The following KIAA1328 variants were observed in gnomAD, a reference collection of about 807,000 sequenced individuals.
KIAA1328 encodes the protein protein hinderin.
In KIAA1328, 52 loss-of-function variants were observed where a neutral mutation model predicts 68.1. The observed-to-expected ratio is 0.76, with a 90% CI of 0.61 to 0.96. The LOEUF is 0.96. Among genes scored for constraint, KIAA1328 ranks in the 40% least tolerant of loss-of-function variants. The pLI is 0.00. For synonymous variants in KIAA1328, 232 were observed against 239.4 expected, an observed-to-expected ratio of 0.97 and a Z score of 0.28; for missense variants, 641 against 677.6, an observed-to-expected ratio of 0.95 and a Z score of 0.60.
chr18:36,887,823 T>A (rs1475174493), intron 5 of KIAA1328, among the ~76,000 whole-genome samples: 1 of 152,066 alleles, frequency 6.6e-6, no homozygotes, highest in East Asian at 1.9e-4. Context: ...GTGGTGATGC[T>A]TTAACCTTCC....
Position 37,151,092 on chromosome 18 carries a change from A to G in KIAA1328, c.1233-9108A>G, listed in dbSNP as rs562322442. On this transcript the variant is annotated intron_variant, in intron 7 of 9. Transcript: ENST00000280020. ...ACTAGAATTAAGTGAATTTAACACA[A>G]TCACAGAATGCAAATTCAATGTATA... Among the ~76,000 whole-genome samples, 32 of 152,344 alleles carry G rather than the reference A, an allele frequency of 2.1e-4. No homozygotes were observed. In the South Asian group the frequency reaches 6.4e-3, roughly 31 times the overall value.
At position 36,871,835 on chromosome 18, in the gene KIAA1328, C is replaced by A. The variant is rs189103537; in HGVS notation, c.333-13722C>A. The stretch of plus-strand genomic sequence containing the variant: ...CCCAGCTAAACTGCAGCAGACACAG[C>A]TGGAAATGGGTAAGATTTCAGCTTG... On this transcript the variant is annotated intron_variant, in intron 4 of 9. Transcript: ENST00000280020. Among the ~76,000 whole-genome samples, 87 of 152,048 alleles carry A rather than the reference C, an allele frequency of 5.7e-4. 1 individual carries two copies. The highest frequency in any genetic ancestry group is 2.0e-4 in the East Asian group (1 of 5,124).
chr18:36,840,362 T>C (rs1327094916), intron 3 of KIAA1328, among the ~76,000 whole-genome samples: 1 of 152,174 alleles, frequency 6.6e-6, no homozygotes, highest in Admixed American at 6.5e-5. Flanking sequence ...TCCTACATTG[T>C]CGGGGGTATA....
intron 5 of KIAA1328, among the ~76,000 whole-genome samples, chr18:36,911,838 G>C (rs997443599): frequency 2.0e-5 from 3 of 152,112 alleles, no homozygotes; most frequent in Non-Finnish European, 4.4e-5. Flanking sequence ...TGCATGTAAA[G>C]GCTTAGCACA....
Position 37,224,972 on chromosome 18 carries a change from C to A in KIAA1328, c.*2745C>A. On this transcript the variant is annotated 3_prime_UTR_variant, in exon 10 of 10. Coordinates refer to ENST00000280020, the MANE Select transcript of KIAA1328 (RefSeq NM_020776.3). ...TCATAGAAAAGCTTTTGCTAACAGTCCGCTTTCCAGGAGGCAAACTTGTGT... is the reference window on the plus strand; with the variant it reads ...TCATAGAAAAGCTTTTGCTAACAGTACGCTTTCCAGGAGGCAAACTTGTGT... 1.0e-6 allele frequency: 1 copy of A among 985,488 alleles called. No homozygotes were observed. Among genetic ancestry groups the A allele is most frequent in the Non-Finnish European group, 1.2e-6 (1 of 829,956 alleles). 61.0% of individuals were successfully genotyped at this position (985,488 alleles called of 1,614,324 possible).
At chr18:36,887,230 T>G (rs1010011486) in intron 5 of KIAA1328, among the ~76,000 whole-genome samples, 9 of 152,170 alleles carry the variant, frequency 5.9e-5, no homozygotes, top group Non-Finnish European at 1.3e-4. Flanking sequence ...GAATGCTGTT[T>G]AGTCAGAATT....
intron 6 of KIAA1328, among the ~76,000 whole-genome samples, chr18:37,001,808 T>C (rs942122271): frequency 1.3e-5 from 2 of 152,150 alleles, no homozygotes; most frequent in African/African-American, 2.4e-5. Context: ...TCAACATCCC[T>C]TCATGATAAA....
At chr18:36,955,484 A>G (rs1234047223) in intron 5 of KIAA1328, among the ~76,000 whole-genome samples, 1 of 151,372 alleles carries the variant, frequency 6.6e-6, no homozygotes, top group Admixed American at 6.6e-5. Flanking sequence ...TAATTTTTGT[A>G]TTTTTAGTAG....
At chr18:37,027,407 C>T (rs1280878162) in intron 6 of KIAA1328, among the ~76,000 whole-genome samples, 3 of 152,152 alleles carry the variant, frequency 2.0e-5, no homozygotes, top group African/African-American at 7.2e-5. Flanking sequence ...CCCACATTGC[C>T]AAGTCAATCC....
chr18:36,953,425 T>G lies in KIAA1328; in HGVS notation c.449-5883T>G, dbSNP rs903089939. 1.4e-4 allele frequency among the ~76,000 whole-genome samples: 21 copies of G among 149,112 alleles called. No individual in the cohort carries two copies. The East Asian group carries it at 3.4e-3, about 24-fold the overall frequency. ...AGATAGATAGATAGATAGATAGAGA[T>G]AGATAGATATATAAATGTATATAGA... On this transcript the variant is annotated intron_variant, in intron 5 of 9. Transcript: ENST00000280020.
chr18:37,205,187 C>G (rs1199813662), intron 9 of KIAA1328, among the ~76,000 whole-genome samples: 1 of 152,196 alleles, frequency 6.6e-6, no homozygotes, highest in Non-Finnish European at 1.5e-5. Context: ...TTCTGTCCAA[C>G]CATATCATCT....
intron 5 of KIAA1328, among the ~76,000 whole-genome samples, chr18:36,945,474 A>T (rs1259459318): frequency 1.3e-5 from 2 of 152,214 alleles, no homozygotes; most frequent in Admixed American, 1.3e-4. Flanking sequence ...TCAAAGAGAC[A>T]AGTAATGAAA....
intron 6 of KIAA1328, among the ~76,000 whole-genome samples, chr18:36,971,679 A>C (rs1479896189): frequency 1.3e-5 from 2 of 152,180 alleles, no homozygotes; most frequent in Non-Finnish European, 2.9e-5. Flanking sequence ...ATGAAATACT[A>C]TGCAGCCATA....
intron 6 of KIAA1328, among the ~76,000 whole-genome samples, chr18:36,965,990 T>C (rs1054909535): frequency 6.6e-6 from 1 of 150,930 alleles, no homozygotes; most frequent in East Asian, 1.9e-4. Flanking sequence ...CTAAAAGGTC[T>C]GTAGGTAAAA....
chr18:36,870,385 A>G (rs916450436), intron 4 of KIAA1328, among the ~76,000 whole-genome samples: 2 of 152,216 alleles, frequency 1.3e-5, no homozygotes, highest in Non-Finnish European at 2.9e-5. Context: ...AGGCCAAAAC[A>G]TTGCATCTTT....
chr18:36,956,906 G>A (rs1008671875), intron 5 of KIAA1328, among the ~76,000 whole-genome samples: 21 of 152,206 alleles, frequency 1.4e-4, no homozygotes, highest in African/African-American at 4.8e-4. Context: ...AACCAGCCTA[G>A]TCCAATGTAC....
intron 5 of KIAA1328, among the ~76,000 whole-genome samples, chr18:36,904,213 G>A (rs181672812): frequency 5.9e-4 from 89 of 152,102 alleles, no homozygotes; most frequent in African/African-American, 2.1e-3. Flanking sequence ...TATTAACATA[G>A]CATAATATTA....
chr18:37,177,373 C>T (rs1020668314), intron 9 of KIAA1328, among the ~76,000 whole-genome samples: 1 of 152,164 alleles, frequency 6.6e-6, no homozygotes, highest in Non-Finnish European at 1.5e-5. Flanking sequence ...GCACACCAGG[C>T]CTACAGTAGC....
intron 5 of KIAA1328, among the ~76,000 whole-genome samples, chr18:36,892,892 A>G (rs1030884300): frequency 6.6e-6 from 1 of 152,168 alleles, no homozygotes; most frequent in Non-Finnish European, 1.5e-5. Context: ...AATGCTAACC[A>G]CAGGGAGAAA....
Sources: allele counts gnomAD v4.1 joint callset (sites outside exome capture counted in the v4.1 genomes callset), GRCh38; gene constraint gnomAD v4.1.1; transcripts MANE v1.5; gene names NCBI Gene and HGNC (gene_info 2026-07-23, HGNC 2026-07-21).